The following CIROZ variants were observed in gnomAD, a reference collection of about 807,000 sequenced individuals.
CIROZ encodes the protein ciliated left-right organizer protein containing ZP-N domains, also known as ciliated left-right organizer ZP-N domains-containing protein.
chr1:10,980,572 C>T, the CIROZ span, among the ~76,000 whole-genome samples: 1 of 152,218 alleles, frequency 6.6e-6, no homozygotes, highest in African/African-American at 2.4e-5. Flanking sequence ...GAAGAATAAT[C>T]TTGGGGAAAA....
the CIROZ span, among the ~76,000 whole-genome samples, chr1:10,974,287 G>T: frequency 3.9e-3 from 594 of 152,152 alleles, 2 homozygotes; most frequent in Non-Finnish European, 6.4e-3. This position sits in a 1 kb window ranked among gnomAD's most constrained non-coding sequence, Gnocchi z 4.4. Flanking sequence ...AAAGCCCAGG[G>T]CACAGCCAAA....
the CIROZ span, chr1:10,948,357 C>G: frequency 4.3e-6 from 7 of 1,613,620 alleles, no homozygotes; most frequent in Non-Finnish European, 5.1e-6. Context: ...CCGCCAGGGC[C>G]TCGCCAATGG....
At chr1:10,971,202 C>G in the CIROZ span, among the ~76,000 whole-genome samples, 1 of 138,052 alleles carries the variant, frequency 7.2e-6, no homozygotes, top group Admixed American at 8.3e-5. Context: ...CCATGGAATT[C>G]TGCAGCTTTG....
At chr1:10,954,465 AAAGAAAAG>A in the CIROZ span, among the ~76,000 whole-genome samples, 21 of 135,416 alleles carry the variant, frequency 1.6e-4, no homozygotes, top group African/African-American at 4.2e-4. Context: ...AAAAAAAAAA[AAAGAAAAG>A]AAAAGAAAAG....
chr1:10,968,205 G>GAT, the CIROZ span, among the ~76,000 whole-genome samples: 6 of 152,054 alleles, frequency 3.9e-5, no homozygotes, highest in Non-Finnish European at 7.4e-5. Flanking sequence ...AAAATAAAGG[G>GAT]GGCTATCTCT....
chr1:10,970,512 G>A, the CIROZ span, among the ~76,000 whole-genome samples: 4 of 151,932 alleles, frequency 2.6e-5, no homozygotes, highest in Non-Finnish European at 5.9e-5. Context: ...GCCTGTAATC[G>A]CAGCTACTCA....
chr1:10,947,871 G>A, the CIROZ span: 16 of 1,610,962 alleles, frequency 9.9e-6, no homozygotes, highest in South Asian at 2.2e-5. Flanking sequence ...CGTGGATGGA[G>A]GGCTGGACGT....
At chr1:10,962,172 G>A in the CIROZ span, among the ~76,000 whole-genome samples, 14 of 152,164 alleles carry the variant, frequency 9.2e-5, no homozygotes, top group African/African-American at 1.7e-4. Context: ...TTGACCGGGC[G>A]TGGTGGCTCA....
the CIROZ span, chr1:10,970,054 A>C: frequency 6.5e-7 from 1 of 1,532,172 alleles, no homozygotes; most frequent in Non-Finnish European, 8.7e-7. Context: ...TAGTCTGAGA[A>C]GCACTCAACT....
chr1:10,961,652 T>C, the CIROZ span, among the ~76,000 whole-genome samples: 4 of 152,180 alleles, frequency 2.6e-5, no homozygotes, highest in Non-Finnish European at 5.9e-5. Context: ...GCTCAATAAA[T>C]GCTTGTTGGG....
chr1:10,949,814 C>A, the CIROZ span: 2 of 1,547,124 alleles, frequency 1.3e-6, no homozygotes, highest in South Asian at 1.2e-5. Flanking sequence ...TGTTCCTGAA[C>A]CTTCCAGAGA....
the CIROZ span, chr1:10,947,723 G>T: frequency 5.8e-6 from 9 of 1,558,772 alleles, no homozygotes; most frequent in African/African-American, 1.2e-4. Context: ...GAGGCCTGTG[G>T]CTTTCAGCAC....
chr1:10,980,282 C>T, the CIROZ span, among the ~76,000 whole-genome samples: 1 of 152,242 alleles, frequency 6.6e-6, no homozygotes, highest in Non-Finnish European at 1.5e-5. Context: ...TAAGCTGAGC[C>T]TGCAGCCTTT....
At chr1:10,950,795 C>T in the CIROZ span, among the ~76,000 whole-genome samples, 2 of 152,206 alleles carry the variant, frequency 1.3e-5, no homozygotes, top group African/African-American at 4.8e-5. Flanking sequence ...ATGTTTGACT[C>T]GGCCTGCAGG....
the CIROZ span, chr1:10,957,513 G>C: frequency 6.6e-7 from 1 of 1,506,558 alleles, no homozygotes; most frequent in Non-Finnish European, 8.9e-7. Context: ...AGTCTCGCAG[G>C]TGGACATTTG....
chr1:10,950,607 T>A, the CIROZ span, among the ~76,000 whole-genome samples: 3 of 152,082 alleles, frequency 2.0e-5, no homozygotes, highest in South Asian at 4.1e-4. Context: ...CGGTGCAGGG[T>A]GTTCAGCAGG....
chr1:10,976,512 C>T, the CIROZ span, among the ~76,000 whole-genome samples: 101 of 151,912 alleles, frequency 6.6e-4, no homozygotes, highest in Non-Finnish European at 1.2e-3. Flanking sequence ...CCACCACGCC[C>T]GGCTAATTTT....
At chr1:10,960,575 G>A in the CIROZ span, among the ~76,000 whole-genome samples, 2 of 152,306 alleles carry the variant, frequency 1.3e-5, no homozygotes, top group African/African-American at 4.8e-5. This position sits in a 1 kb window ranked among gnomAD's most constrained non-coding sequence, Gnocchi z 4.6. Context: ...TTGAGTTTAC[G>A]GGTGCCCCTG....
chr1:10,976,045 G>T, the CIROZ span: 1 of 805,414 alleles, frequency 1.2e-6, no homozygotes, highest in Non-Finnish European at 2.0e-6. Context: ...GCTTTGGAAG[G>T]CTTTCTCGCT....
Sources: allele counts gnomAD v4.1 joint callset (sites outside exome capture counted in the v4.1 genomes callset), GRCh38; gene constraint gnomAD v4.1.1; non-coding constraint Gnocchi (gnomAD v3.1); transcripts MANE v1.5; gene names NCBI Gene and HGNC (gene_info 2026-07-23, HGNC 2026-07-21).